NLGN4Y: variants seen among roughly 807,000 people sequenced by gnomAD.
The protein encoded by NLGN4Y is neuroligin 4 Y-linked, also known as neuroligin-4, Y-linked.
NLGN4Y carries 4 observed loss-of-function variants against 8.4 expected under a neutral mutation model. That is an observed-to-expected ratio of 0.48 (90% CI 0.23 to 1.09). The LOEUF is 1.09. Among genes scored for constraint, NLGN4Y ranks in the 50% least tolerant of loss-of-function variants. NLGN4Y has a pLI of 0.19. For synonymous variants in NLGN4Y, 35 were observed against 75.6 expected (o/e 0.46, Z 2.78); for missense variants, 90 against 192.3 (o/e 0.47, Z 3.15).
chrY:14,534,108 C>T (rs2080123105), intron 1 of NLGN4Y, among the ~76,000 whole-genome samples: 1 of 33,049 alleles, frequency 3.0e-5, no homozygotes, highest in African/African-American at 1.2e-4. Flanking sequence ...TAGGTATATA[C>T]GCAGTAATGG....
At chrY:14,661,450 C>A in intron 2 of NLGN4Y, among the ~76,000 whole-genome samples, 2 of 32,242 alleles carry the variant, frequency 6.2e-5, no homozygotes, top group Admixed American at 5.7e-4. Context: ...GTACAATATA[C>A]CCGTGTAAGA....
intron 1 of NLGN4Y, among the ~76,000 whole-genome samples, chrY:14,602,470 C>T (rs2080430257): frequency 3.0e-5 from 1 of 32,945 alleles, no homozygotes; most frequent in Non-Finnish European, 7.4e-5. Context: ...CCTCAGGATT[C>T]GGTTTTCAGA....
At chrY:14,539,429 T>A in intron 1 of NLGN4Y, among the ~76,000 whole-genome samples, 1 of 33,594 alleles carries the variant, frequency 3.0e-5, no homozygotes, top group Non-Finnish European at 7.4e-5. Context: ...TTCACTTGAA[T>A]AGCAAGTAAA....
At chrY:14,828,847 C>T (rs918689940) in intron 5 of NLGN4Y, among the ~76,000 whole-genome samples, 2 of 33,089 alleles carry the variant, frequency 6.0e-5, no homozygotes, top group Admixed American at 2.7e-4. Context: ...TACGGCCTGC[C>T]GTCTCTTGTC....
At chrY:14,752,407 G>T in intron 4 of NLGN4Y, among the ~76,000 whole-genome samples, 1 of 32,860 alleles carries the variant, frequency 3.0e-5, no homozygotes, top group Non-Finnish European at 7.5e-5. Flanking sequence ...AAATAAATAA[G>T]CATCTGATTT....
chrY:14,612,977 C>A (rs2080474955), intron 1 of NLGN4Y, among the ~76,000 whole-genome samples: 2 of 33,252 alleles, frequency 6.0e-5, no homozygotes, highest in Non-Finnish European at 1.5e-4. Context: ...GCCTTTCTTT[C>A]AGAGATGCCC....
intron 4 of NLGN4Y, among the ~76,000 whole-genome samples, chrY:14,785,569 T>C: frequency 3.0e-5 from 1 of 33,015 alleles, no homozygotes; most frequent in Non-Finnish European, 7.5e-5. Flanking sequence ...TCGAGACCAT[T>C]CTGGCTAACA....
At chrY:14,666,548 G>T in intron 2 of NLGN4Y, among the ~76,000 whole-genome samples, 1 of 32,579 alleles carries the variant, frequency 3.1e-5, no homozygotes, top group Non-Finnish European at 7.5e-5. Context: ...GTTGTAAAGG[G>T]CCATGACTTG....
intron 4 of NLGN4Y, among the ~76,000 whole-genome samples, chrY:14,806,213 C>CT (rs2043056721): frequency 3.0e-5 from 1 of 32,990 alleles, no homozygotes; most frequent in Non-Finnish European, 7.4e-5. Flanking sequence ...AAAACCTGTG[C>CT]TTTTTTCCCA....
At chrY:14,837,277 C>T in intron 6 of NLGN4Y, among the ~76,000 whole-genome samples, 1 of 33,640 alleles carries the variant, frequency 3.0e-5, no homozygotes, top group African/African-American at 1.2e-4. Flanking sequence ...ATAAGGAAAA[C>T]CTGTACTACT....
At chrY:14,782,006 C>T (rs2042945200) in intron 4 of NLGN4Y, among the ~76,000 whole-genome samples, 1 of 33,057 alleles carries the variant, frequency 3.0e-5, no homozygotes, top group Non-Finnish European at 7.4e-5. Flanking sequence ...CTGAGCCTCT[C>T]CCATTCCCTG....
At chrY:14,693,065 G>T in intron 2 of NLGN4Y, among the ~76,000 whole-genome samples, 2 of 32,646 alleles carry the variant, frequency 6.1e-5, no homozygotes, top group South Asian at 1.4e-3. Context: ...TTGCTGTGTT[G>T]CCCAGGATAG....
At chrY:14,757,451 CT>C (rs2081065031) in intron 4 of NLGN4Y, among the ~76,000 whole-genome samples, 1 of 33,161 alleles carries the variant, frequency 3.0e-5, no homozygotes, top group South Asian at 6.7e-4. Flanking sequence ...TTTTACCCCC[CT>C]ATCACTCTTA....
intron 1 of NLGN4Y, among the ~76,000 whole-genome samples, chrY:14,540,134 C>CG (rs2080145341): frequency 3.1e-3 from 3 of 960 alleles, no homozygotes; most frequent in African/African-American, 6.9e-3. Flanking sequence ...GGTGGGGGGG[C>CG]GGGGGGGGCA....
chrY:14,723,061 A>G, intron 3 of NLGN4Y, 56 bp from the exon 4 acceptor site: 3 of 339,800 alleles, frequency 8.8e-6, no homozygotes, highest in Non-Finnish European at 1.3e-5. Flanking sequence ...ATTTAGCATC[A>G]GTGAGTGAGC....
chrY:14,757,022 G>C (rs2081062926), intron 4 of NLGN4Y, among the ~76,000 whole-genome samples: 2 of 26,540 alleles, frequency 7.5e-5, no homozygotes, highest in East Asian at 1.8e-3. Context: ...AGAATTCCTT[G>C]ATCACCTTGA....
chrY:14,542,464 C>T (rs2080153761), intron 1 of NLGN4Y, among the ~76,000 whole-genome samples: 1 of 33,325 alleles, frequency 3.0e-5, no homozygotes, highest in South Asian at 6.8e-4. Context: ...GTGGACCTAA[C>T]AGACATCTAT....
chrY:14,659,265 C>T (rs1337527876), intron 2 of NLGN4Y, among the ~76,000 whole-genome samples: 1 of 32,730 alleles, frequency 3.1e-5, no homozygotes, highest in Admixed American at 2.8e-4. Context: ...CTTGAACCTC[C>T]GTCTGTGTGC....
intron 1 of NLGN4Y, among the ~76,000 whole-genome samples, chrY:14,526,069 G>T (rs2080092338): frequency 5.9e-5 from 2 of 33,707 alleles, no homozygotes; most frequent in Admixed American, 5.4e-4. Flanking sequence ...CAAAGTGGCA[G>T]AAACTACAAG....
Sources: allele counts gnomAD v4.1 joint callset (sites outside exome capture counted in the v4.1 genomes callset), GRCh38; gene constraint gnomAD v4.1.1; transcripts MANE v1.5; gene names NCBI Gene and HGNC (gene_info 2026-07-23, HGNC 2026-07-21).